Variants in NKAIN3 observed in about 807,000 individuals in gnomAD.
The protein encoded by NKAIN3 is sodium/potassium-transporting ATPase subunit beta-1-interacting protein 3.
NKAIN3 carries 25 observed loss-of-function variants against 30.2 expected under a neutral mutation model. That is an observed-to-expected ratio of 0.83 (90% CI 0.60 to 1.16). The LOEUF is 1.16. Ranked by LOEUF, NKAIN3 falls within the 50% of genes most tolerant of loss-of-function variation. The pLI is 0.00. For missense variants in NKAIN3, 225 were observed against 254.1 expected (o/e 0.89, Z 0.78); for synonymous variants, 91 against 89.6 (o/e 1.02, Z -0.09).
intron 3 of NKAIN3, among the ~76,000 whole-genome samples, chr8:62,662,827 G>A (rs1184271137): frequency 6.6e-6 from 1 of 152,156 alleles, no homozygotes; most frequent in Non-Finnish European, 1.5e-5. Flanking sequence ...TCAGTGATGA[G>A]TAAACACTGT....
intron 1 of NKAIN3, among the ~76,000 whole-genome samples, chr8:62,327,724 T>A (rs1226437574): frequency 6.6e-6 from 1 of 152,100 alleles, no homozygotes; most frequent in Non-Finnish European, 1.5e-5. Flanking sequence ...GAAATGTACA[T>A]CCTCTAGCTT....
chr8:62,392,581 A>G (rs1221375263), intron 1 of NKAIN3, among the ~76,000 whole-genome samples: 1 of 152,022 alleles, frequency 6.6e-6, no homozygotes, highest in Non-Finnish European at 1.5e-5. Context: ...GCATAAATGT[A>G]TTATATTCAT....
intron 1 of NKAIN3, among the ~76,000 whole-genome samples, chr8:62,442,302 G>C (rs1043693576): frequency 8.6e-5 from 13 of 151,756 alleles, no homozygotes; most frequent in Admixed American, 1.3e-4. Flanking sequence ...TATTCATTAG[G>C]CTAATATTAC....
chr8:62,357,302 G>A (rs896056011), intron 1 of NKAIN3, among the ~76,000 whole-genome samples: 4 of 151,304 alleles, frequency 2.6e-5, no homozygotes, highest in East Asian at 2.0e-4. Context: ...ACATGTAATC[G>A]TAGCTACTTG....
In NKAIN3 at chr8:62,967,328, C is replaced by T. The variant is rs950304175; in HGVS notation, c.*1921C>T. ...TTGGACAGTGTTTGCCATCTCTGCACTACAGTTTTCCTCATCAATGAAGTG... is the reference window on the plus strand; with the variant it reads ...TTGGACAGTGTTTGCCATCTCTGCATTACAGTTTTCCTCATCAATGAAGTG... On this transcript the variant is annotated 3_prime_UTR_variant, in exon 7 of 7. Transcript: ENST00000623646. 2.0e-5 allele frequency among the ~76,000 whole-genome samples: 3 copies of T among 152,162 alleles called. No individual in the cohort carries two copies. Among genetic ancestry groups the T allele is most frequent in the Non-Finnish European group, 4.4e-5 (3 of 68,034 alleles).
At chr8:62,861,954 A>G (rs986335731) in intron 4 of NKAIN3, among the ~76,000 whole-genome samples, 1 of 152,262 alleles carries the variant, frequency 6.6e-6, no homozygotes, top group African/African-American at 2.4e-5. Context: ...ATAACTAGCC[A>G]GAATCATGAA....
chr8:62,833,394 G>T (rs1029331475), intron 4 of NKAIN3, among the ~76,000 whole-genome samples: 2 of 151,726 alleles, frequency 1.3e-5, no homozygotes, highest in Non-Finnish European at 2.9e-5. Context: ...CCAAAAATTG[G>T]CTCTTTCAAA....
At chr8:62,847,953 T>G (rs1210842403) in intron 4 of NKAIN3, among the ~76,000 whole-genome samples, 2 of 152,196 alleles carry the variant, frequency 1.3e-5, no homozygotes, top group Non-Finnish European at 2.9e-5. Flanking sequence ...CCCCATTGCT[T>G]GTTTTTGTCA....
chr8:62,606,639 A>C (rs746911013), intron 3 of NKAIN3, among the ~76,000 whole-genome samples: 9 of 152,154 alleles, frequency 5.9e-5, no homozygotes, highest in Non-Finnish European at 1.0e-4. Context: ...TTTCCAGAAC[A>C]ATGTGCAATG....
rs1482962916 is a variant in NKAIN3 at position 62,978,079 on chromosome 8, T to G, written c.*12672T>G. 6.1e-6 allele frequency: 1 copy of G among 164,402 alleles called. No homozygotes were observed. Among genetic ancestry groups the G allele is most frequent in the Non-Finnish European group, 1.3e-5 (1 of 78,322 alleles). The allele number at this position is 164,402 out of a possible 1,614,324, so 10.2% of individuals were successfully genotyped here. ...AGCAAAGATTGCTGCCTCCTCCTAC[T>G]TCTGGAAGCTGTGTCCCAGAGGGGC... On this transcript the variant is annotated 3_prime_UTR_variant, in exon 7 of 7. Coordinates refer to ENST00000623646, the MANE Select transcript of NKAIN3 (RefSeq NM_001304533.3).
intron 1 of NKAIN3, among the ~76,000 whole-genome samples, chr8:62,308,232 G>C (rs181138387): frequency 6.6e-6 from 1 of 150,430 alleles, no homozygotes; most frequent in African/African-American, 2.5e-5. Context: ...TACCTCAAAG[G>C]CTTGTTCATA....
chr8:62,493,121 T>C (rs1314625903), intron 1 of NKAIN3, among the ~76,000 whole-genome samples: 2 of 152,254 alleles, frequency 1.3e-5, no homozygotes, highest in East Asian at 3.9e-4. Flanking sequence ...AAGTCTTTGC[T>C]AGTTCCTATG....
At chr8:62,859,607 TGTGTGTGTGTGCATGC>T (rs1278007285) in intron 4 of NKAIN3, among the ~76,000 whole-genome samples, 4 of 148,208 alleles carry the variant, frequency 2.7e-5, no homozygotes, top group Admixed American at 6.8e-5. Context: ...CATATATGCG[TGTGTGTGTGTGCATGC>T]GTGTGTGTGT....
At chr8:62,484,291 G>T (rs563937027) in intron 1 of NKAIN3, among the ~76,000 whole-genome samples, 2 of 152,136 alleles carry the variant, frequency 1.3e-5, no homozygotes, top group South Asian at 2.1e-4. Flanking sequence ...AGGATGTCTC[G>T]CCCCCAGGCA....
At chr8:62,285,432 A>G (rs1167703583) in intron 1 of NKAIN3, among the ~76,000 whole-genome samples, 2 of 152,146 alleles carry the variant, frequency 1.3e-5, no homozygotes, top group Non-Finnish European at 2.9e-5. Flanking sequence ...AGTCCTTGGA[A>G]TGAGAGCTGA....
At chr8:62,912,563 T>C (rs1253486346) in intron 4 of NKAIN3, among the ~76,000 whole-genome samples, 2 of 152,178 alleles carry the variant, frequency 1.3e-5, no homozygotes, top group East Asian at 3.8e-4. Flanking sequence ...TACATCCTTA[T>C]TTATAAGCCC....
chr8:62,587,187 T>C (rs1029651964), intron 2 of NKAIN3, among the ~76,000 whole-genome samples: 2 of 151,922 alleles, frequency 1.3e-5, no homozygotes, highest in Non-Finnish European at 2.9e-5. Context: ...TCTTTTATAC[T>C]CATGATCAGA....
chr8:62,847,905 A>G (rs1819740776), intron 4 of NKAIN3, among the ~76,000 whole-genome samples: 1 of 152,174 alleles, frequency 6.6e-6, no homozygotes, highest in South Asian at 2.1e-4. Context: ...ATGGCTAACC[A>G]GTTCTCCCAG....
intron 1 of NKAIN3, among the ~76,000 whole-genome samples, chr8:62,252,725 G>C (rs978408791): frequency 6.6e-6 from 1 of 152,142 alleles, no homozygotes; most frequent in Non-Finnish European, 1.5e-5. Flanking sequence ...GATTCATCTA[G>C]TCATCCAAGA....
Sources: gnomAD v4.1 joint callset for allele counts (sites outside exome capture counted in the v4.1 genomes callset) on GRCh38, gnomAD v4.1.1 for gene constraint, MANE v1.5 for transcripts, NCBI Gene and HGNC (gene_info 2026-07-23, HGNC 2026-07-21) for gene names.